Variants in C1QTNF3 observed in about 807,000 individuals in gnomAD.
C1QTNF3 encodes the protein C1q and TNF related 3.
Under a neutral mutation model 32.6 loss-of-function variants are expected in C1QTNF3, and 26 were observed. The ratio of observed to expected loss-of-function variants is 0.80; its 90% CI spans 0.58 to 1.11. C1QTNF3 has a LOEUF of 1.11. Ranked by LOEUF, C1QTNF3 falls within the 50% of genes least tolerant of loss-of-function variation. The probability of loss-of-function intolerance (pLI) is 0.00; values close to 1 mark genes in which losing one functional copy is unlikely to be tolerated. For missense variants in C1QTNF3, 362 were observed against 398.2 expected (o/e 0.91, Z 0.77); for synonymous variants, 155 against 146.0 (o/e 1.06, Z -0.44).
At chr5:34,141,163 AG>A in the C1QTNF3 span, among the ~76,000 whole-genome samples, 3 of 151,954 alleles carry the variant, frequency 2.0e-5, no homozygotes, top group Admixed American at 1.3e-4. Flanking sequence ...TCTGTCGCCC[AG>A]GCTGGAGTGC....
At chr5:34,079,090 T>C in the C1QTNF3 span, among the ~76,000 whole-genome samples, 1 of 151,700 alleles carries the variant, frequency 6.6e-6, no homozygotes, top group Non-Finnish European at 1.5e-5. Context: ...TTCCACTATA[T>C]TTAGAACATA....
the C1QTNF3 span, among the ~76,000 whole-genome samples, chr5:34,211,694 A>G: frequency 6.6e-6 from 1 of 151,602 alleles, no homozygotes; most frequent in Admixed American, 6.6e-5. Flanking sequence ...TTCCAATTTC[A>G]TCCATGTCCC....
At chr5:34,044,496 G>A (rs1754950288), upstream of C1QTNF3, among the ~76,000 whole-genome samples, 1 of 152,162 alleles carries the variant, frequency 6.6e-6, no homozygotes, top group South Asian at 2.1e-4. Context: ...GGAAAGGGGA[G>A]AGGAGAGAGA....
At chr5:34,173,701 A>T in the C1QTNF3 span, among the ~76,000 whole-genome samples, 3 of 121,486 alleles carry the variant, frequency 2.5e-5, no homozygotes, top group Admixed American at 2.8e-4. Flanking sequence ...AATGAGTAAA[A>T]TGAGTAAGAA....
At chr5:34,038,863 G>A (rs1200932877) in intron 1 of C1QTNF3, among the ~76,000 whole-genome samples, 3 of 152,106 alleles carry the variant, frequency 2.0e-5, no homozygotes, top group East Asian at 1.9e-4. Context: ...CCACCTGACC[G>A]GGAATATCAG....
the C1QTNF3 span, among the ~76,000 whole-genome samples, chr5:34,053,056 C>G: frequency 2.0e-5 from 3 of 152,142 alleles, no homozygotes; most frequent in African/African-American, 7.2e-5. Context: ...AAAAATAAGG[C>G]CAGATTTCTA....
the C1QTNF3 span, among the ~76,000 whole-genome samples, chr5:34,160,832 AAGAG>A: frequency 9.2e-5 from 14 of 152,144 alleles, no homozygotes; most frequent in African/African-American, 2.9e-4. Flanking sequence ...GAGGGAGCGA[AAGAG>A]AGAGAGAAAG....
At chr5:34,120,594 T>G in the C1QTNF3 span, among the ~76,000 whole-genome samples, 1 of 152,162 alleles carries the variant, frequency 6.6e-6, no homozygotes. Flanking sequence ...AGGAGGTAAT[T>G]GAATCATAGG....
At chr5:34,154,078 AT>A in the C1QTNF3 span, among the ~76,000 whole-genome samples, 1 of 151,982 alleles carries the variant, frequency 6.6e-6, no homozygotes, top group Non-Finnish European at 1.5e-5. Flanking sequence ...AGGTCTATCT[AT>A]CTAATACCAA....
the C1QTNF3 span, among the ~76,000 whole-genome samples, chr5:34,143,621 G>GGGC: frequency 1.3e-5 from 2 of 152,068 alleles, no homozygotes; most frequent in Non-Finnish European, 2.9e-5. Context: ...AGAAGAGATT[G>GGGC]GGCTTAGTTT....
chr5:34,061,444 C>T, the C1QTNF3 span, among the ~76,000 whole-genome samples: 1 of 152,258 alleles, frequency 6.6e-6, no homozygotes, highest in Middle Eastern at 3.4e-3. Context: ...GTGCTCTGAC[C>T]CCACATTTCC....
chr5:34,242,081 C>T, the C1QTNF3 span, among the ~76,000 whole-genome samples: 1 of 151,784 alleles, frequency 6.6e-6, no homozygotes, highest in Non-Finnish European at 1.5e-5. Context: ...TTAAAATGGC[C>T]ATACTGCCCA....
At chr5:34,200,816 T>A in the C1QTNF3 span, 4 of 152,280 alleles carry the variant, frequency 2.6e-5, 1 homozygote, top group South Asian at 8.3e-4. Context: ...TGCAATTTTG[T>A]CTACCTGGAA....
the C1QTNF3 span, among the ~76,000 whole-genome samples, chr5:34,228,972 T>TA: frequency 2.6e-5 from 4 of 151,884 alleles, no homozygotes; most frequent in Non-Finnish European, 5.9e-5. Context: ...TTTTTTTTTT[T>TA]AACATCGATT....
chr5:34,027,360 C>T (rs1398693818), intron 4 of C1QTNF3, among the ~76,000 whole-genome samples: 1 of 152,102 alleles, frequency 6.6e-6, no homozygotes, highest in Non-Finnish European at 1.5e-5. Context: ...GATAATATTC[C>T]TAAAACTTTA....
At chr5:34,085,559 A>C in the C1QTNF3 span, among the ~76,000 whole-genome samples, 1,807 of 151,484 alleles carry the variant, frequency 0.012, 16 homozygotes, top group South Asian at 0.028. Context: ...GTTACTGTAG[A>C]CTTGTAGTAT....
At chr5:34,042,215 A>G (rs1011728356) in intron 1 of C1QTNF3, among the ~76,000 whole-genome samples, 11 of 152,040 alleles carry the variant, frequency 7.2e-5, no homozygotes, top group African/African-American at 2.4e-4. Flanking sequence ...AAATCATGCT[A>G]TAAGGTATGC....
At chr5:34,228,177 G>A in the C1QTNF3 span, among the ~76,000 whole-genome samples, 1 of 151,628 alleles carries the variant, frequency 6.6e-6, no homozygotes, top group East Asian at 1.9e-4. Flanking sequence ...CACAGAGATC[G>A]TCAAACTTGC....
At chr5:34,126,577 C>T in the C1QTNF3 span, among the ~76,000 whole-genome samples, 1 of 144,090 alleles carries the variant, frequency 6.9e-6, no homozygotes, top group African/African-American at 2.5e-5. Flanking sequence ...CCATATGATC[C>T]AGCAATCTGA....
Sources: allele counts gnomAD v4.1 joint callset (sites outside exome capture counted in the v4.1 genomes callset), GRCh38; gene constraint gnomAD v4.1.1; transcripts MANE v1.5; gene names NCBI Gene and HGNC (gene_info 2026-07-23, HGNC 2026-07-21).